ARHGAP32: variants seen among roughly 807,000 people sequenced by gnomAD.
The protein encoded by ARHGAP32 is rho GTPase-activating protein 32.
Under a neutral mutation model 186.5 loss-of-function variants are expected in ARHGAP32, and 51 were observed. That is an observed-to-expected ratio of 0.27 (90% CI 0.22 to 0.35). The LOEUF (loss-of-function observed/expected upper bound fraction) is 0.35. ARHGAP32 is among the 10% of genes least tolerant of loss of function. The probability of loss-of-function intolerance (pLI) is 1.00; values close to 1 mark genes in which losing one functional copy is unlikely to be tolerated. For synonymous variants in ARHGAP32, 950 were observed against 964.3 expected, an observed-to-expected ratio of 0.99 and a Z score of 0.27; for missense variants, 2,186 against 2,623.5, an observed-to-expected ratio of 0.83 and a Z score of 3.64.
At chr11:129,050,225 C>T (rs1591566932) in intron 10 of ARHGAP32, among the ~76,000 whole-genome samples, 1 of 152,144 alleles carries the variant, frequency 6.6e-6, no homozygotes, top group South Asian at 2.1e-4. Flanking sequence ...TGAATCAATA[C>T]CTCATTGTTG....
chr11:129,011,812 A>C (rs531964117), intron 11 of ARHGAP32, among the ~76,000 whole-genome samples: 2 of 152,234 alleles, frequency 1.3e-5, no homozygotes, highest in African/African-American at 4.8e-5. Flanking sequence ...AGTAATCTTC[A>C]GGATACATTA....
At chr11:129,025,941 G>C (rs892544777) in intron 11 of ARHGAP32, among the ~76,000 whole-genome samples, 17 of 149,894 alleles carry the variant, frequency 1.1e-4, no homozygotes, top group Admixed American at 6.7e-5. Context: ...ATATATTTAA[G>C]TAATATATGT....
chr11:129,029,804 A>AAC (rs1555075668), intron 11 of ARHGAP32, among the ~76,000 whole-genome samples: 1 of 148,180 alleles, frequency 6.7e-6, no homozygotes, highest in African/African-American at 2.5e-5. Flanking sequence ...TCCGTCTCAA[A>AAC]AAAAAAAAAA....
intron 5 of ARHGAP32, among the ~76,000 whole-genome samples, chr11:129,121,067 A>G (rs1942516171): frequency 6.6e-6 from 1 of 152,138 alleles, no homozygotes; most frequent in Non-Finnish European, 1.5e-5. Flanking sequence ...TTACCTATGT[A>G]AAAAGCAAGA....
At chr11:129,008,753 CT>C (rs2134807320) in intron 11 of ARHGAP32, among the ~76,000 whole-genome samples, 1 of 152,320 alleles carries the variant, frequency 6.6e-6, no homozygotes, top group East Asian at 1.9e-4. Context: ...CTCTGAAACT[CT>C]GGGTAAATTA....
intron 11 of ARHGAP32, chr11:129,030,614 A>C (rs778467949): frequency 2.0e-5 from 3 of 151,686 alleles, no homozygotes; most frequent in Non-Finnish European, 4.4e-5. Context: ...ATCTGTTAAC[A>C]AAAAAAAAGT....
intron 1 of ARHGAP32, 45 bp downstream of exon 1, chr11:129,192,038 G>T: frequency 1.5e-6 from 2 of 1,368,308 alleles, no homozygotes; most frequent in Non-Finnish European, 2.1e-6. Flanking sequence ...TGCGGGTGGG[G>T]GTAGGGAGTG....
At chr11:129,190,885 A>C (rs2135553110) in intron 1 of ARHGAP32, among the ~76,000 whole-genome samples, 1 of 152,334 alleles carries the variant, frequency 6.6e-6, no homozygotes, top group East Asian at 1.9e-4. Flanking sequence ...AGGCTAGATA[A>C]AATTATGGGA....
rs1423758398 is a variant in ARHGAP32 at position 128,969,003 on chromosome 11, T to C, written c.6210A>G (p.Pro2070=). The C allele has an allele frequency of 1.9e-6, 3 of 1,610,412 alleles. No homozygotes were observed. The highest frequency in any genetic ancestry group is 2.5e-6 in the Non-Finnish European group (3 of 1,177,660). The change falls in exon 23 of 23, where the codon CCA becomes CCG. Residue 2070 remains proline (P), a synonymous_variant. Transcript: ENST00000682385. This position sits in a 1 kb window ranked among gnomAD's most constrained non-coding sequence, Gnocchi z 4.8. ...ACGCTGTAGCATAGGTCCTGCTCTGTGGATGGGGAAAGCCAGGGGGCACAT... is the reference window on the plus strand; with the variant it reads ...ACGCTGTAGCATAGGTCCTGCTCTGCGGATGGGGAAAGCCAGGGGGCACAT... ...GTYVPPGFPH[P]QSRTYATALG...
intron 20 of ARHGAP32, among the ~76,000 whole-genome samples, chr11:128,976,063 C>T (rs751340997): frequency 5.4e-4 from 75 of 139,222 alleles, no homozygotes; most frequent in Non-Finnish European, 8.9e-4. Context: ...GGCAACAAAG[C>T]GAGACTCTGT....
At chr11:129,068,016 G>C (rs536453440) in intron 6 of ARHGAP32, among the ~76,000 whole-genome samples, 5 of 152,198 alleles carry the variant, frequency 3.3e-5, no homozygotes, top group Admixed American at 2.6e-4. Context: ...TTGGCTGAAA[G>C]GCAGAGAAGC....
chr11:129,157,156 C>G (rs1353644343), intron 2 of ARHGAP32, among the ~76,000 whole-genome samples: 1 of 151,950 alleles, frequency 6.6e-6, no homozygotes, highest in African/African-American at 2.4e-5. Context: ...ATTCCAAAAC[C>G]AGAACACCTC....
intron 6 of ARHGAP32, among the ~76,000 whole-genome samples, chr11:129,074,695 T>C (rs1940981205): frequency 6.6e-6 from 1 of 152,096 alleles, no homozygotes; most frequent in African/African-American, 2.4e-5. Context: ...GGTTTCACCA[T>C]GTTAGCCAGG....
intron 1 of ARHGAP32, among the ~76,000 whole-genome samples, chr11:129,172,786 C>G (rs981666175): frequency 2.6e-5 from 4 of 152,100 alleles, no homozygotes; most frequent in African/African-American, 9.7e-5. Flanking sequence ...CTCTGGGACA[C>G]AGCTAAAGCA....
At chr11:129,100,171 G>T (rs1941852798) in intron 5 of ARHGAP32, among the ~76,000 whole-genome samples, 1 of 152,214 alleles carries the variant, frequency 6.6e-6, no homozygotes, top group African/African-American at 2.4e-5. Context: ...CCATAGCAGA[G>T]CACATTTAGG....
chr11:129,128,848 G>GCC (rs1479538347), intron 2 of ARHGAP32, among the ~76,000 whole-genome samples: 5 of 152,206 alleles, frequency 3.3e-5, no homozygotes, highest in Non-Finnish European at 7.3e-5. Flanking sequence ...GCCTCCCGAG[G>GCC]TGCCGGGATT....
At chr11:129,272,682 A>T (rs1333183306) in intron 1 of ARHGAP32, among the ~76,000 whole-genome samples, 1 of 152,208 alleles carries the variant, frequency 6.6e-6, no homozygotes, top group Non-Finnish European at 1.5e-5. Context: ...AAAGGCATGG[A>T]TGCTAACTGA....
intron 1 of ARHGAP32, among the ~76,000 whole-genome samples, chr11:129,216,646 G>A (rs1031836956): frequency 6.8e-6 from 1 of 146,820 alleles, no homozygotes; most frequent in Non-Finnish European, 1.5e-5. Flanking sequence ...ACTCCAGCCT[G>A]GGCGACAGAG....
intron 2 of ARHGAP32, among the ~76,000 whole-genome samples, chr11:129,150,597 A>T (rs1335065398): frequency 6.6e-6 from 1 of 152,158 alleles, no homozygotes; most frequent in Non-Finnish European, 1.5e-5. Flanking sequence ...TCAGCCATGA[A>T]TTTTATCTCC....
Sources: allele counts gnomAD v4.1 joint callset (sites outside exome capture counted in the v4.1 genomes callset), GRCh38; gene constraint gnomAD v4.1.1; non-coding constraint Gnocchi (gnomAD v3.1); transcripts MANE v1.5; gene names NCBI Gene and HGNC (gene_info 2026-07-23, HGNC 2026-07-21).